The following CSMD1 variants were observed in gnomAD, a reference collection of about 807,000 sequenced individuals.
The protein encoded by CSMD1 is CUB and Sushi multiple domains 1, also known as CUB and sushi domain-containing protein 1.
A neutral mutation model predicts 417.5 loss-of-function variants in CSMD1; 213 were observed. The ratio of observed to expected loss-of-function variants is 0.51; its 90% CI spans 0.46 to 0.57. The LOEUF (loss-of-function observed/expected upper bound fraction) is 0.57. CSMD1 is among the 20% of genes least tolerant of loss of function. CSMD1 has a pLI of 0.00. For synonymous variants in CSMD1, 2,862 were observed against 1,736.8 expected (o/e 1.65, Z -16.11); for missense variants, 6,923 against 4,529.7 (o/e 1.53, Z -15.17).
intron 4 of CSMD1, among the ~76,000 whole-genome samples, chr8:4,017,790 T>C (rs1401176062): frequency 1.3e-5 from 2 of 152,174 alleles, no homozygotes; most frequent in South Asian, 2.1e-4. Flanking sequence ...CTCTTTGTAA[T>C]CTGCATTTGG....
chr8:3,164,486 G>C (rs1820091177), intron 37 of CSMD1, among the ~76,000 whole-genome samples: 2 of 152,074 alleles, frequency 1.3e-5, no homozygotes, highest in Admixed American at 6.6e-5. Flanking sequence ...ACTAATGTAA[G>C]TCTAAAATCT....
intron 12 of CSMD1, among the ~76,000 whole-genome samples, chr8:3,463,241 C>T (rs893601150): frequency 3.9e-5 from 6 of 152,292 alleles, no homozygotes; most frequent in East Asian, 3.9e-4. Context: ...GCCTTACAGA[C>T]GATTCCAAGC....
intron 3 of CSMD1, among the ~76,000 whole-genome samples, chr8:4,189,830 G>C (rs1329499469): frequency 2.0e-5 from 3 of 152,014 alleles, no homozygotes; most frequent in Non-Finnish European, 2.9e-5. Context: ...GATTCAAAGA[G>C]CACAGCTTTT....
At chr8:4,900,418 A>G (rs746308930) in intron 1 of CSMD1, among the ~76,000 whole-genome samples, 46 of 152,026 alleles carry the variant, frequency 3.0e-4, no homozygotes, top group Non-Finnish European at 5.4e-4. Flanking sequence ...TCTATCACCA[A>G]TTTCTGGAGA....
intron 51 of CSMD1, among the ~76,000 whole-genome samples, chr8:3,024,307 G>A (rs1341061128): frequency 2.7e-5 from 4 of 148,950 alleles, no homozygotes; most frequent in Non-Finnish European, 5.9e-5. Context: ...GGGGGGGGAG[G>A]GCAGTGGGGG....
At chr8:4,532,279 A>T (rs1796860264) in intron 2 of CSMD1, among the ~76,000 whole-genome samples, 1 of 144,966 alleles carries the variant, frequency 6.9e-6, no homozygotes, top group Non-Finnish European at 1.5e-5. Context: ...CAGAAAAGAA[A>T]TCCTGCAAGC....
chr8:2,998,113 C>T lies in CSMD1; in HGVS notation c.8275G>A (p.Val2759Ile), dbSNP rs757594371. ...TNGSEFNLND[V>I]VNFTCNTGYL... ...CCCGTGTTGCAGGTGAAATTCACGA[C>T]ATCATTCAGGTTGAACTCACTGCCA... The change falls in exon 54 of 70, where the codon GTC (valine) becomes ATC (isoleucine). Residue 2759 changes from valine (V) to isoleucine (I), a missense_variant. Transcript: ENST00000635120. 6.8e-6 allele frequency: 11 copies of T among 1,614,052 alleles called. No individual in the cohort carries two copies. Among genetic ancestry groups the T allele is most frequent in the South Asian group, 3.3e-5 (3 of 91,088 alleles).
chr8:4,982,176 C>G (rs1810926121), intron 1 of CSMD1, among the ~76,000 whole-genome samples: 1 of 152,196 alleles, frequency 6.6e-6, no homozygotes, highest in Non-Finnish European at 1.5e-5. Flanking sequence ...AGCTGCCAAG[C>G]CATGCACAGA....
At chr8:3,280,877 G>A (rs1318172104) in intron 26 of CSMD1, among the ~76,000 whole-genome samples, 1 of 152,062 alleles carries the variant, frequency 6.6e-6, no homozygotes, top group African/African-American at 2.4e-5. Context: ...AAGTTAGAAA[G>A]ATGTTCTCTG....
At chr8:4,752,077 T>A (rs548069110) in intron 1 of CSMD1, among the ~76,000 whole-genome samples, 1 of 134,074 alleles carries the variant, frequency 7.5e-6, no homozygotes, top group South Asian at 2.6e-4. Context: ...ATATGTATAT[T>A]CATGTCTGTG....
chr8:3,488,814 G>A (rs1235892341), intron 11 of CSMD1, among the ~76,000 whole-genome samples: 2 of 152,168 alleles, frequency 1.3e-5, no homozygotes, highest in African/African-American at 2.4e-5. Flanking sequence ...CTCAAAGGCA[G>A]TGCCATTATG....
Position 3,392,973 on chromosome 8 carries a change from C to G in CSMD1, c.2593+3221G>C, listed in dbSNP as rs76776703. 6.0e-4 allele frequency among the ~76,000 whole-genome samples: 91 copies of G among 152,116 alleles called. No individual in the cohort carries two copies. In the East Asian group the frequency reaches 0.016, roughly 27 times the overall value. The stretch of plus-strand genomic sequence containing the variant: ...GATAAGCACTCATAAAATCCCAGGC[C>G]TTTCCTGACTCATTTTCTTACAACA... On this transcript the variant is annotated intron_variant, in intron 17 of 69. Coordinates refer to ENST00000635120, the MANE Select transcript of CSMD1 (RefSeq NM_033225.6).
At chr8:3,381,173 A>G (rs560429948) in intron 18 of CSMD1, among the ~76,000 whole-genome samples, 31 of 152,122 alleles carry the variant, frequency 2.0e-4, no homozygotes, top group Non-Finnish European at 4.1e-4. Context: ...TCAGAGTACT[A>G]CAACTTTTCA....
At chr8:4,788,289 G>T (rs987787792) in intron 1 of CSMD1, 13 of 1,585,730 alleles carry the variant, frequency 8.2e-6, no homozygotes, top group Non-Finnish European at 1.0e-5. Context: ...TGTATTTGTG[G>T]CAGTGGCAGG....
intron 10 of CSMD1, among the ~76,000 whole-genome samples, chr8:3,566,544 C>T (rs897577848): frequency 2.5e-4 from 38 of 150,584 alleles, no homozygotes; most frequent in Admixed American, 2.2e-3. Context: ...TCCCTTTGTC[C>T]ATAGAGGATG....
intron 5 of CSMD1, among the ~76,000 whole-genome samples, chr8:3,910,252 C>T (rs555839931): frequency 1.4e-4 from 22 of 152,240 alleles, no homozygotes; most frequent in African/African-American, 5.3e-4. Context: ...GAAAATATGT[C>T]AGAGGCGTTT....
chr8:3,499,820 C>G (rs1359495948), intron 10 of CSMD1, among the ~76,000 whole-genome samples: 1 of 152,110 alleles, frequency 6.6e-6, no homozygotes, highest in Non-Finnish European at 1.5e-5. Context: ...GGAGATGCTA[C>G]TGGCCCTGTG....
intron 5 of CSMD1, among the ~76,000 whole-genome samples, chr8:3,816,975 G>C (rs1375127723): frequency 1.3e-5 from 2 of 152,036 alleles, no homozygotes; most frequent in Admixed American, 1.3e-4. Context: ...ACAAATAAAT[G>C]ATTAAACAGG....
intron 5 of CSMD1, among the ~76,000 whole-genome samples, chr8:3,961,764 G>A (rs1444501146): frequency 4.6e-5 from 7 of 152,196 alleles, no homozygotes; most frequent in African/African-American, 1.7e-4. Context: ...TCATGATGAA[G>A]GCATCAGCTT....
Sources: allele counts gnomAD v4.1 joint callset (sites outside exome capture counted in the v4.1 genomes callset), GRCh38; gene constraint gnomAD v4.1.1; transcripts MANE v1.5; gene names NCBI Gene and HGNC (gene_info 2026-07-23, HGNC 2026-07-21).